Variants in NFKBIZ observed in about 807,000 individuals in gnomAD.
NFKBIZ encodes the protein NFKB inhibitor zeta, also known as NF-kappa-B inhibitor zeta.
In NFKBIZ, 19 loss-of-function variants were observed where a neutral mutation model predicts 76.8. The ratio of observed to expected loss-of-function variants is 0.25; its 90% CI spans 0.17 to 0.36. The LOEUF is 0.36. Ranked by LOEUF, NFKBIZ falls within the 10% of genes least tolerant of loss-of-function variation. The probability of loss-of-function intolerance (pLI) is 1.00; values close to 1 mark genes in which losing one functional copy is unlikely to be tolerated. For missense variants in NFKBIZ, 829 were observed against 910.9 expected, an observed-to-expected ratio of 0.91 and a Z score of 1.16; for synonymous variants, 368 against 354.8, an observed-to-expected ratio of 1.04 and a Z score of -0.42.
chr3:101,854,540 A>G, intron 5 of NFKBIZ, 38 bp from the exon 6 acceptor site: 3 of 1,309,848 alleles, frequency 2.3e-6, no homozygotes, highest in Non-Finnish European at 3.3e-6. Flanking sequence ...TAGTGAAATC[A>G]GAAGTGATTC....
At chr3:101,847,980 TC>T (rs905724753), upstream of NFKBIZ, among the ~76,000 whole-genome samples, 24 of 151,918 alleles carry the variant, frequency 1.6e-4, no homozygotes, top group African/African-American at 4.6e-4. Context: ...CTTTCATTTC[TC>T]CCCCCCTCCA....
upstream of NFKBIZ, chr3:101,849,466 G>C: frequency 3.7e-6 from 2 of 539,420 alleles, no homozygotes; most frequent in Non-Finnish European, 5.5e-6. Flanking sequence ...GGGGAGGTCG[G>C]CGAGCGCTGC....
intron 2 of NFKBIZ, among the ~76,000 whole-genome samples, chr3:101,833,247 C>T (rs778708614): frequency 5.9e-5 from 9 of 152,158 alleles, no homozygotes; most frequent in Admixed American, 3.9e-4. Context: ...AGGGCCAGAG[C>T]TACAAAGGTG....
chr3:101,858,176 A>G (rs1416374849), intron 11 of NFKBIZ: 1 of 985,224 alleles, frequency 1.0e-6, no homozygotes, highest in Admixed American at 6.1e-5. Flanking sequence ...GTCATTACAT[A>G]CTTTACTAAT....
At chr3:101,854,868 T>C (rs1383665949) in intron 6 of NFKBIZ, among the ~76,000 whole-genome samples, 185 bp downstream of exon 6, 1 of 152,198 alleles carries the variant, frequency 6.6e-6, no homozygotes, top group Non-Finnish European at 1.5e-5. Flanking sequence ...TGTAGCTGTT[T>C]GACCAAACAC....
chr3:101,859,234 A>G, intron 11 of NFKBIZ, 84 bp from the exon 12 acceptor site: 1 of 1,028,626 alleles, frequency 9.7e-7, no homozygotes, highest in Non-Finnish European at 1.5e-6. Context: ...TAGATGGTAT[A>G]AGAAAGGAAT....
intron 2 of NFKBIZ, among the ~76,000 whole-genome samples, chr3:101,839,866 C>T (rs2107400593): frequency 6.6e-6 from 1 of 152,134 alleles, no homozygotes; most frequent in South Asian, 2.1e-4. Context: ...AGTTTTCTTC[C>T]TGAAAACTGA....
intron 5 of NFKBIZ, among the ~76,000 whole-genome samples, chr3:101,854,339 G>C (rs529758474): frequency 6.6e-6 from 1 of 152,236 alleles, no homozygotes; most frequent in African/African-American, 2.4e-5. Flanking sequence ...ATAGATTTAA[G>C]TTGATCAGTA....
chr3:101,854,022 G>C (rs1943010605), intron 5 of NFKBIZ, among the ~76,000 whole-genome samples, 159 bp downstream of exon 5: 1 of 152,088 alleles, frequency 6.6e-6, no homozygotes. Context: ...GTGATAGCTA[G>C]TATGTCAAGA....
intron 2 of NFKBIZ, among the ~76,000 whole-genome samples, chr3:101,839,021 C>T (rs1253053110): frequency 6.6e-6 from 1 of 151,980 alleles, no homozygotes; most frequent in Non-Finnish European, 1.5e-5. Flanking sequence ...ATCAGTGTTC[C>T]AAAGTATTAT....
chr3:101,829,219 A>T (rs900595351), intron 1 of NFKBIZ, among the ~76,000 whole-genome samples: 4 of 152,224 alleles, frequency 2.6e-5, no homozygotes, highest in African/African-American at 9.6e-5. Context: ...GGCAGGGTAC[A>T]GGCGTGGAGC....
At chr3:101,857,885 G>A in intron 11 of NFKBIZ, 1 of 881,762 alleles carries the variant, frequency 1.1e-6, no homozygotes, top group Non-Finnish European at 1.4e-6. Context: ...CAGAGTAAGA[G>A]ATCAGTGAAC....
intron 2 of NFKBIZ, among the ~76,000 whole-genome samples, chr3:101,833,434 G>C (rs1942674261): frequency 6.6e-6 from 1 of 151,932 alleles, no homozygotes. Context: ...ATAACCCAGG[G>C]TGGAAAAAAA....
chr3:101,840,361 A>G (rs1576808279), intron 2 of NFKBIZ, among the ~76,000 whole-genome samples: 1 of 152,304 alleles, frequency 6.6e-6, no homozygotes, highest in East Asian at 1.9e-4. Context: ...TTACAGGGTG[A>G]AAGTTAGGAA....
chr3:101,855,776 G>A lies in NFKBIZ; in HGVS notation c.1698G>A (p.Val566=). The change falls in exon 9 of 12, where the codon GTG becomes GTA. Residue 566 remains valine, a synonymous_variant. Coordinates refer to ENST00000326172, the MANE Select transcript of NFKBIZ (RefSeq NM_031419.4). Reference sequence around the variant, plus strand: ...GTGCAGTCATAGCCCACAATGCTGTGGTCCATGAACTCCAGAGAAATCAAC... The same window carrying A: ...GTGCAGTCATAGCCCACAATGCTGTAGTCCATGAACTCCAGAGAAATCAAC... ...LHCAVIAHNA[V]VHELQRNQQP... 6.2e-6 allele frequency: 10 copies of A among 1,613,460 alleles called. No homozygotes were observed. Among genetic ancestry groups the A allele is most frequent in the Non-Finnish European group, 8.5e-6 (10 of 1,179,800 alleles).
chr3:101,833,156 G>A (rs1465704485), intron 2 of NFKBIZ, among the ~76,000 whole-genome samples: 1 of 152,150 alleles, frequency 6.6e-6, no homozygotes, highest in East Asian at 1.9e-4. Context: ...ATTCCATGTG[G>A]GTCAGATCTT....
At chr3:101,857,853 G>C in intron 11 of NFKBIZ, 2 of 950,218 alleles carry the variant, frequency 2.1e-6, no homozygotes, top group Non-Finnish European at 2.5e-6. Flanking sequence ...TACATGTGGA[G>C]TGCTCACAAT....
chr3:101,858,816 C>T (rs148250191), intron 11 of NFKBIZ, among the ~76,000 whole-genome samples: 127 of 152,244 alleles, frequency 8.3e-4, no homozygotes, highest in Non-Finnish European at 1.2e-3. Flanking sequence ...CATGAAGTTA[C>T]GTGTAGATGC....
In NFKBIZ at chr3:101,853,913, G is replaced by A. The variant is rs750554248; in HGVS notation, c.1337+50G>A. 2.7e-5 allele frequency: 41 copies of A among 1,540,732 alleles called. No individual in the cohort carries two copies. In the African/African-American group the frequency reaches 5.3e-4, roughly 20 times the overall value. ...CTTAATTAGGTAAGCCACACTTGTT[G>A]GACTAGTGAGCATATAATTTTTCTA... On this transcript the variant is annotated intron_variant, in intron 5 of 11. Coordinates refer to ENST00000326172, the MANE Select transcript of NFKBIZ (RefSeq NM_031419.4).
Sources: allele counts gnomAD v4.1 joint callset (sites outside exome capture counted in the v4.1 genomes callset), GRCh38; gene constraint gnomAD v4.1.1; transcripts MANE v1.5; gene names NCBI Gene and HGNC (gene_info 2026-07-23, HGNC 2026-07-21).